The following KY variants were observed in gnomAD, a reference collection of about 807,000 sequenced individuals.
KY encodes the protein kyphoscoliosis peptidase.
KY carries 43 observed loss-of-function variants against 76.1 expected under a neutral mutation model. The observed-to-expected ratio is 0.57, with a 90% CI of 0.44 to 0.73. The LOEUF (loss-of-function observed/expected upper bound fraction) is 0.73, where lower values mean the gene tolerates loss of function less well. KY is among the 30% of genes least tolerant of loss of function. The pLI is 0.00. For missense variants in KY, 722 were observed against 828.9 expected (o/e 0.87, Z 1.58); for synonymous variants, 277 against 326.2 (o/e 0.85, Z 1.63).
At position 134,650,942 on chromosome 3, in the gene KY, T is replaced by C. The variant is rs774525359; in HGVS notation, c.19A>G (p.Ile7Val). Residue 7 changes from isoleucine (I) to valine (V), a missense_variant, in exon 1 of 11, where the codon ATC (isoleucine) becomes GTC (valine). Coordinates refer to ENST00000423778, the MANE Select transcript of KY (RefSeq NM_178554.6). ...AGCATGTCGATAGATACAGCGTTGATGTCCTTCTTCAGCTCCATGATGCCG... is the reference window on the plus strand; with the variant it reads ...AGCATGTCGATAGATACAGCGTTGACGTCCTTCTTCAGCTCCATGATGCCG... MELKKDINAVSIDMLLI... is the reference protein window; with the variant it reads MELKKDVNAVSIDMLLI... The C allele has an allele frequency of 2.5e-6, 4 of 1,613,254 alleles. No homozygotes were observed. The Admixed American group carries it at 6.7e-5, about 27-fold the overall frequency.
intron 8 of KY, among the ~76,000 whole-genome samples, chr3:134,611,944 T>C (rs1318722604): frequency 6.6e-6 from 1 of 152,262 alleles, no homozygotes; most frequent in Non-Finnish European, 1.5e-5. Context: ...CTAATACATA[T>C]CACTTGCTGA....
intron 3 of KY, among the ~76,000 whole-genome samples, chr3:134,641,962 G>A (rs1219719858): frequency 6.6e-6 from 1 of 152,202 alleles, no homozygotes; most frequent in Non-Finnish European, 1.5e-5. Flanking sequence ...GCCATGTGCA[G>A]TTGAGTTCAT....
Position 134,602,532 on chromosome 3 carries a change from C to G in KY, c.*1047G>C, listed in dbSNP as rs1959013395. ...AGCCCTGGCTTTGCTGGTAGAGACA[C>G]TGGGGGCAGGCAGAGCCCTGTTAAA... On this transcript the variant is annotated 3_prime_UTR_variant, in exon 11 of 11. Coordinates refer to ENST00000423778, the MANE Select transcript of KY (RefSeq NM_178554.6). 1.3e-5 allele frequency among the ~76,000 whole-genome samples: 2 copies of G among 152,200 alleles called. No individual in the cohort carries two copies. The highest frequency in any genetic ancestry group is 1.3e-4 in the Admixed American group (2 of 15,286).
intron 7 of KY, among the ~76,000 whole-genome samples, chr3:134,619,622 A>C (rs1962234123): frequency 6.6e-6 from 1 of 152,214 alleles, no homozygotes; most frequent in South Asian, 2.1e-4. Flanking sequence ...TGCAGCCCGA[A>C]GGCCTCATGC....
chr3:134,620,311 C>A (rs901923623), intron 7 of KY, among the ~76,000 whole-genome samples: 3 of 152,130 alleles, frequency 2.0e-5, no homozygotes, highest in African/African-American at 4.8e-5. Flanking sequence ...AGTGGAGAAC[C>A]CGCTTTTCCT....
At position 134,601,657 on chromosome 3, in the gene KY, G is replaced by A. The variant is rs541542360; in HGVS notation, c.*1922C>T. Among the ~76,000 whole-genome samples the A allele has an allele frequency of 4.8e-4, 73 of 152,326 alleles. 1 individual carries two copies. In the South Asian group the frequency reaches 0.015, roughly 31 times the overall value. ...GACACGAGGCTGGCTGGGTGGCCTC[G>A]GTGGCAGAGACTGCGGAGGGCGCAG... On this transcript the variant is annotated 3_prime_UTR_variant, in exon 11 of 11. Transcript: ENST00000423778.
At chr3:134,639,070 GT>G (rs35303789) in intron 3 of KY, among the ~76,000 whole-genome samples, 429 of 128,490 alleles carry the variant, frequency 3.3e-3, no homozygotes, top group East Asian at 9.3e-3. Flanking sequence ...CTACTTTGGA[GT>G]TTTTTTTTTT....
chr3:134,609,430 G>C (rs777126374), intron 9 of KY, among the ~76,000 whole-genome samples: 37 of 152,168 alleles, frequency 2.4e-4, no homozygotes, highest in Non-Finnish European at 4.9e-4. Context: ...GTGAGTACGC[G>C]AGCCCTGCGT....
chr3:134,635,916 T>C (rs906474321), intron 3 of KY, among the ~76,000 whole-genome samples: 1 of 152,242 alleles, frequency 6.6e-6, no homozygotes, highest in African/African-American at 2.4e-5. Flanking sequence ...ATAACCTGCT[T>C]TCTTCATTTA....
intron 8 of KY, 105 bp downstream of exon 8, chr3:134,619,043 T>C: frequency 1.1e-6 from 1 of 907,388 alleles, no homozygotes; most frequent in Non-Finnish European, 1.8e-6. Flanking sequence ...GCAGAGTTTG[T>C]AAACTCAGGT....
chr3:134,642,937 G>C (rs1354393264), intron 3 of KY, among the ~76,000 whole-genome samples: 6 of 152,226 alleles, frequency 3.9e-5, no homozygotes. Flanking sequence ...CTGTCAAACA[G>C]GGTTGCTGTG....
intron 3 of KY, among the ~76,000 whole-genome samples, chr3:134,635,143 A>G (rs560249337): frequency 6.6e-6 from 1 of 152,252 alleles, no homozygotes. Flanking sequence ...TGAACTGGAA[A>G]CAACTTAAAC....
chr3:134,640,859 G>A (rs1965655581), intron 3 of KY, among the ~76,000 whole-genome samples: 2 of 152,160 alleles, frequency 1.3e-5, no homozygotes. Flanking sequence ...CCTCTTAAGG[G>A]TTGTCTTGCT....
chr3:134,647,394 T>G (rs753874038), intron 2 of KY, 41 bp downstream of exon 2: 40 of 1,392,052 alleles, frequency 2.9e-5, no homozygotes, highest in Non-Finnish European at 3.2e-5. Flanking sequence ...TATTATTCAA[T>G]GTATTAAATC....
chr3:134,634,186 C>G (rs1560131641), intron 3 of KY, among the ~76,000 whole-genome samples: 2 of 152,050 alleles, frequency 1.3e-5, no homozygotes, highest in Non-Finnish European at 1.5e-5. Context: ...GCAATTCTCT[C>G]AAAATTGATC....
chr3:134,637,649 G>A (rs1164759964), intron 3 of KY, among the ~76,000 whole-genome samples: 1 of 152,178 alleles, frequency 6.6e-6, no homozygotes, highest in Non-Finnish European at 1.5e-5. Context: ...TAATGCCCAG[G>A]TACTTTCACA....
At chr3:134,643,411 C>G (rs751547415) in intron 2 of KY, 33 bp from the exon 3 acceptor site, 1 of 1,594,400 alleles carries the variant, frequency 6.3e-7, no homozygotes, top group East Asian at 2.2e-5. Context: ...CCTGCAGTGA[C>G]CACTGGGGAA....
At chr3:134,637,003 T>C (rs1180976310) in intron 3 of KY, among the ~76,000 whole-genome samples, 3 of 152,222 alleles carry the variant, frequency 2.0e-5, no homozygotes, top group African/African-American at 4.8e-5. Flanking sequence ...TTATTTTTCA[T>C]AGAATAACAA....
intron 10 of KY, chr3:134,608,113 T>A: frequency 2.7e-6 from 3 of 1,129,268 alleles, no homozygotes; most frequent in Non-Finnish European, 2.2e-6. Flanking sequence ...TTGCTCCCCA[T>A]CCTTGCTGGT....
Sources: gnomAD v4.1 joint callset for allele counts (sites outside exome capture counted in the v4.1 genomes callset) on GRCh38, gnomAD v4.1.1 for gene constraint, MANE v1.5 for transcripts, NCBI Gene and HGNC (gene_info 2026-07-23, HGNC 2026-07-21) for gene names.